Variants in CFAP57 observed in about 807,000 individuals in gnomAD.
CFAP57 encodes cilia- and flagella-associated protein 57.
CFAP57 carries 116 observed loss-of-function variants against 146.8 expected under a neutral mutation model. The ratio of observed to expected loss-of-function variants is 0.79; its 90% CI spans 0.68 to 0.92. The LOEUF (loss-of-function observed/expected upper bound fraction) is 0.92, where lower values mean the gene tolerates loss of function less well. Ranked by LOEUF, CFAP57 falls within the 40% of genes least tolerant of loss-of-function variation. The pLI is 0.00. For synonymous variants in CFAP57, 518 were observed against 552.8 expected (o/e 0.94, Z 0.88); for missense variants, 1,377 against 1,527.2 (o/e 0.90, Z 1.64).
chr1:43,179,150 G>A (rs1288886834), intron 2 of CFAP57, among the ~76,000 whole-genome samples: 1 of 152,086 alleles, frequency 6.6e-6, no homozygotes, highest in Non-Finnish European at 1.5e-5. Context: ...TGCGGGGAGG[G>A]GGAGGGATAG....
chr1:43,233,015 A>G (rs551517387), intron 19 of CFAP57, among the ~76,000 whole-genome samples: 28 of 152,354 alleles, frequency 1.8e-4, no homozygotes, highest in Non-Finnish European at 3.7e-4. Flanking sequence ...CCATTTCTCC[A>G]TGTTATAAAT....
chr1:43,192,861 A>G (rs1643628658), intron 6 of CFAP57, among the ~76,000 whole-genome samples: 1 of 151,992 alleles, frequency 6.6e-6, no homozygotes, highest in Admixed American at 6.6e-5. Flanking sequence ...CGGGAGGTGG[A>G]GGTTGCGGTG....
rs1038216974 is a variant in CFAP57, at chr1:43,172,534, G to C, written c.-20+81G>C. The C allele has an allele frequency of 3.1e-6, 4 of 1,288,774 alleles. No individual in the cohort carries two copies. The African/African-American group carries it at 4.4e-5, about 14-fold the overall frequency. 79.8% of individuals were successfully genotyped at this position (1,288,774 alleles called of 1,614,324 possible). A position where few individuals can be genotyped will look rare whatever the true frequency, so the allele number is the denominator to read the frequency against. ...AGGAAAAGGCAGAAAAAGGAGCCGC[G>C]GGGGTGGGGTGGCGCGGAGGAGGAC... On this transcript the variant is annotated intron_variant, in intron 1 of 22. Transcript: ENST00000372492.
chr1:43,213,421 T>C (rs1264528752), intron 11 of CFAP57, among the ~76,000 whole-genome samples: 1 of 151,676 alleles, frequency 6.6e-6, no homozygotes, highest in Non-Finnish European at 1.5e-5. Flanking sequence ...TGGGTATATA[T>C]ACCACATTTT....
At chr1:43,214,151 G>A (rs956331892) in intron 11 of CFAP57, among the ~76,000 whole-genome samples, 2 of 151,338 alleles carry the variant, frequency 1.3e-5, no homozygotes, top group African/African-American at 4.9e-5. Flanking sequence ...CTCCCAATGT[G>A]CTGGGATTAC....
chr1:43,199,598 CT>C, intron 9 of CFAP57, 95 bp downstream of exon 9: 1 of 1,092,104 alleles, frequency 9.2e-7, no homozygotes, highest in Non-Finnish European at 1.4e-6. Flanking sequence ...GAGATGGTTC[CT>C]TTCCTCATGG....
At chr1:43,220,798 C>T (rs1379443056) in intron 13 of CFAP57, among the ~76,000 whole-genome samples, 3 of 37,530 alleles carry the variant, frequency 8.0e-5, no homozygotes, top group East Asian at 3.9e-3. Flanking sequence ...TCATAAAGTT[C>T]GGCTAAAAAA....
chr1:43,183,432 TG>T (rs1291821379), intron 3 of CFAP57, among the ~76,000 whole-genome samples, 158 bp from the exon 4 acceptor site: 1 of 152,236 alleles, frequency 6.6e-6, no homozygotes, highest in Non-Finnish European at 1.5e-5. Flanking sequence ...GGATTATAGA[TG>T]TGTGCCCTTA....
chr1:43,220,444 A>G (rs949321096), intron 13 of CFAP57, among the ~76,000 whole-genome samples: 2 of 152,122 alleles, frequency 1.3e-5, no homozygotes, highest in African/African-American at 2.4e-5. Flanking sequence ...TAAAATCCCC[A>G]CTGGGCAAGG....
chr1:43,231,718 A>AAAAAAG (rs373943745), intron 18 of CFAP57, among the ~76,000 whole-genome samples: 3 of 144,268 alleles, frequency 2.1e-5, no homozygotes, highest in Admixed American at 7.0e-5. Context: ...AAAAAAAAAA[A>AAAAAAG]TTAGTTGGGC....
At chr1:43,239,372 AG>A (rs909358228) in intron 21 of CFAP57, among the ~76,000 whole-genome samples, 1 of 151,398 alleles carries the variant, frequency 6.6e-6, no homozygotes, top group African/African-American at 2.4e-5. Flanking sequence ...AGAGGTTGGC[AG>A]GGGGGTCAGG....
At chr1:43,244,922 A>T (rs1049024546) in intron 22 of CFAP57, among the ~76,000 whole-genome samples, 1 of 152,118 alleles carries the variant, frequency 6.6e-6, no homozygotes, top group Non-Finnish European at 1.5e-5. Flanking sequence ...AAAACAAAAA[A>T]ACAAAAAAAC....
intron 10 of CFAP57, 144 bp from the exon 11 acceptor site, chr1:43,209,599 C>T (rs957125438): frequency 4.4e-5 from 34 of 769,734 alleles, no homozygotes; most frequent in Middle Eastern, 3.6e-4. Flanking sequence ...GGCACTATAC[C>T]GGATGCCAAA....
In CFAP57 at chr1:43,172,926, T is replaced by A. The variant is rs772564375; in HGVS notation, c.157+16T>A. 16 of 1,610,060 alleles carry A rather than the reference T, an allele frequency of 9.9e-6. No homozygotes were observed. Among genetic ancestry groups the A allele is most frequent in the African/African-American group, 1.3e-5 (1 of 74,850 alleles). ...TTCATTCCAGGTAAAACTTTTTCCA[T>A]CCTGACATATACAGGAATGGTATGT... On this transcript the variant is annotated intron_variant, in intron 2 of 22. Coordinates refer to ENST00000372492, the MANE Select transcript of CFAP57 (RefSeq NM_001378189.1).
intron 2 of CFAP57, among the ~76,000 whole-genome samples, chr1:43,174,279 A>G (rs137893597): frequency 2.0e-5 from 3 of 152,170 alleles, no homozygotes; most frequent in East Asian, 1.9e-4. Context: ...AATAAAGTCA[A>G]ATTTATCAAC....
chr1:43,241,248 A>C (rs902237562), intron 21 of CFAP57, among the ~76,000 whole-genome samples: 1 of 151,692 alleles, frequency 6.6e-6, no homozygotes, highest in Non-Finnish European at 1.5e-5. Context: ...TGACCCAAAT[A>C]CCTCCCTCTA....
chr1:43,215,176 A>G, intron 11 of CFAP57, 79 bp from the exon 12 acceptor site: 1 of 1,509,466 alleles, frequency 6.6e-7, no homozygotes, highest in Non-Finnish European at 9.0e-7. Context: ...CATGGGGGGA[A>G]GCCTTGCGCA....
In CFAP57 at chr1:43,236,590, T is replaced by TAAAAAAAA. The variant is rs764205138; in HGVS notation, c.3405+1972_3405+1979dup. Among the ~76,000 whole-genome samples the TAAAAAAAA allele has an allele frequency of 7.2e-5, 3 of 41,806 alleles. 1 individual carries two copies. The highest frequency in any genetic ancestry group is 3.6e-4 in the African/African-American group (3 of 8,286). The allele number at this position is 41,806 out of a possible 152,430, so 27.4% of individuals were successfully genotyped here. ...CACTGGCCTGGTACAGAATAAGTGC[T>TAAAAAAAA]AAAAAAAAAAAAAAAAAAAAAAAAA... On this transcript the variant is annotated intron_variant, in intron 21 of 22. Transcript: ENST00000372492.
At chr1:43,174,996 A>G (rs1386386414) in intron 2 of CFAP57, among the ~76,000 whole-genome samples, 2 of 152,176 alleles carry the variant, frequency 1.3e-5, no homozygotes, top group Non-Finnish European at 2.9e-5. Flanking sequence ...TAATGTATTA[A>G]TAAATTCTCC....
Sources: allele counts gnomAD v4.1 joint callset (sites outside exome capture counted in the v4.1 genomes callset), GRCh38; gene constraint gnomAD v4.1.1; transcripts MANE v1.5; gene names NCBI Gene and HGNC (gene_info 2026-07-23, HGNC 2026-07-21).